Variants in GRAMD1A observed in about 807,000 individuals in gnomAD.
The protein encoded by GRAMD1A is GRAM domain containing 1A, also known as protein Aster-A.
Under a neutral mutation model 92.0 loss-of-function variants are expected in GRAMD1A, and 50 were observed. The ratio of observed to expected loss-of-function variants is 0.54; its 90% CI spans 0.43 to 0.69. The LOEUF is 0.69. Among genes scored for constraint, GRAMD1A ranks in the 30% least tolerant of loss-of-function variants. GRAMD1A has a pLI of 0.00. For synonymous variants in GRAMD1A, 405 were observed against 403.6 expected, an observed-to-expected ratio of 1.00 and a Z score of -0.04; for missense variants, 819 against 978.9, an observed-to-expected ratio of 0.84 and a Z score of 2.18.
At chr19:35,014,413 C>T (rs367652104) in intron 10 of GRAMD1A, 26 bp downstream of exon 10, 106 of 1,592,598 alleles carry the variant, frequency 6.7e-5, no homozygotes, top group African/African-American at 5.1e-4. Context: ...CCAATTCATT[C>T]GCCTCCGGTA....
chr19:35,006,907 A>G (rs1036756783), intron 1 of GRAMD1A, among the ~76,000 whole-genome samples: 38 of 152,210 alleles, frequency 2.5e-4, no homozygotes, highest in African/African-American at 7.2e-4. Flanking sequence ...TGAAGGGGAC[A>G]GAGCTGGTGA....
chr19:35,021,675 C>A lies in GRAMD1A; in HGVS notation c.1580-16C>A. 1 of 1,614,060 alleles carries A rather than the reference C, an allele frequency of 6.2e-7. No individual in the cohort carries two copies. Among genetic ancestry groups the A allele is most frequent in the Non-Finnish European group, 8.5e-7 (1 of 1,179,948 alleles). ...GGCCAGGTATGGACATCCAGAGCCC[C>A]CTCTCTTTTACGCAGAGCGAGAGCT... On this transcript the variant is annotated splice_polypyrimidine_tract_variant and intron_variant, in intron 14 of 19. Coordinates refer to ENST00000317991, the MANE Select transcript of GRAMD1A (RefSeq NM_020895.5). This position sits in a 1 kb window ranked among gnomAD's most constrained non-coding sequence, Gnocchi z 5.3.
At chr19:35,006,975 G>C (rs771130800) in intron 1 of GRAMD1A, among the ~76,000 whole-genome samples, 1 of 152,316 alleles carries the variant, frequency 6.6e-6, no homozygotes, top group East Asian at 1.9e-4. Context: ...AGGCCTTGGC[G>C]TGGGAATGAG....
At chr19:35,014,496 G>A (rs1460333185) in intron 10 of GRAMD1A, 109 bp downstream of exon 10, 24 of 940,652 alleles carry the variant, frequency 2.6e-5, no homozygotes, top group Non-Finnish European at 2.3e-5. Flanking sequence ...AGGGGCAGGC[G>A]GGATGGCGTT....
At chr19:35,003,399 T>TCGC (rs1430692146) in intron 1 of GRAMD1A, among the ~76,000 whole-genome samples, 1 of 152,098 alleles carries the variant, frequency 6.6e-6, no homozygotes, top group Non-Finnish European at 1.5e-5. Flanking sequence ...CCGAGTCTCC[T>TCGC]CGCCCCTATA....
rs750397163 is a variant in GRAMD1A at position 35,019,447 on chromosome 19, G to A, written c.1389G>A (p.Leu463=). ...GGTGTGTGGTGGACTCCGAGGTGCTGACGCAGGGCATCCCCTACCAGGACT... is the reference window on the plus strand; with the variant it reads ...GGTGTGTGGTGGACTCCGAGGTGCTAACGCAGGGCATCCCCTACCAGGACT... The part of the protein sequence containing the change: ...AGGCVVDSEV[L]TQGIPYQDYF... The change falls in exon 13 of 20, where the codon CTG becomes CTA. Residue 463 remains leucine (L), a synonymous_variant. Transcript: ENST00000317991. 11 of 1,613,912 alleles carry A rather than the reference G, an allele frequency of 6.8e-6. No homozygotes were observed. Among genetic ancestry groups the A allele is most frequent in the Non-Finnish European group, 9.3e-6 (11 of 1,179,900 alleles).
chr19:34,995,967 C>T (rs375129810), upstream of GRAMD1A: 27 of 1,424,350 alleles, frequency 1.9e-5, 2 homozygotes, highest in East Asian at 3.0e-4. Flanking sequence ...GGAGCTCTAT[C>T]CCTCATCTCT....
At chr19:35,001,600 C>A (rs961009095) in intron 1 of GRAMD1A, among the ~76,000 whole-genome samples, 2 of 151,784 alleles carry the variant, frequency 1.3e-5, no homozygotes, top group Non-Finnish European at 2.9e-5. Context: ...AGCTCTGAAA[C>A]GCTCTTCTTT....
At chr19:34,998,406 C>A (rs2014133242), upstream of GRAMD1A, 1 of 144,880 alleles carries the variant, frequency 6.9e-6, no homozygotes, top group Non-Finnish European at 1.5e-5. Flanking sequence ...CGGGTTCAAG[C>A]AATTCTCCTG....
intron 10 of GRAMD1A, chr19:35,014,888 T>G: frequency 6.0e-6 from 1 of 165,368 alleles, no homozygotes; most frequent in Non-Finnish European, 1.3e-5. Context: ...AAGAAAAAAC[T>G]AGGTGTGGTG....
At position 35,000,517 on chromosome 19, in the gene GRAMD1A, C is replaced by A. The variant is rs1265600283; in HGVS notation, c.8+31C>A. 8.0e-7 allele frequency: 1 copy of A among 1,243,528 alleles called. No homozygotes were observed. 77.0% of individuals were successfully genotyped at this position (1,243,528 alleles called of 1,614,324 possible). ...GACCGGGCGACTAGAGCTCAGGGACCGGGCGCGCGGGGGAGGCCACCGGAG... is the reference window on the plus strand; with the variant it reads ...GACCGGGCGACTAGAGCTCAGGGACAGGGCGCGCGGGGGAGGCCACCGGAG... On this transcript the variant is annotated intron_variant, in intron 1 of 19. Transcript: ENST00000317991. This position sits in a 1 kb window ranked among gnomAD's most constrained non-coding sequence, Gnocchi z 4.9.
Position 35,021,904 on chromosome 19 carries a change from C to T in GRAMD1A, c.1753+40C>T, listed in dbSNP as rs764062173. ...GGCCGGGTTGGGGTAGGCGGAGGAT[C>T]GGGGGTCCTGGACTGGGCCATCTGA... On this transcript the variant is annotated intron_variant, in intron 15 of 19. Coordinates refer to ENST00000317991, the MANE Select transcript of GRAMD1A (RefSeq NM_020895.5). The surrounding 1 kb of genome is among the most constrained non-coding windows in gnomAD (Gnocchi z 5.3). 16 of 1,608,894 alleles carry T rather than the reference C, an allele frequency of 9.9e-6. No homozygotes were observed. The highest frequency in any genetic ancestry group is 3.3e-4 in the Middle Eastern group (2 of 6,058).
intron 11 of GRAMD1A, among the ~76,000 whole-genome samples, chr19:35,017,908 C>T (rs1454667496): frequency 1.3e-5 from 2 of 152,186 alleles, no homozygotes; most frequent in Non-Finnish European, 2.9e-5. Flanking sequence ...TTCATCTATC[C>T]TGGTCTCCCA....
chr19:35,008,367 AGCT>A (rs71717731), intron 1 of GRAMD1A, among the ~76,000 whole-genome samples: 18,196 of 151,554 alleles, frequency 0.12, 1,200 homozygotes, highest in African/African-American at 0.17. Context: ...TGTCTTTGAG[AGCT>A]CGCTATGTGC....
intron 11 of GRAMD1A, 88 bp downstream of exon 11, chr19:35,016,055 C>A: frequency 7.1e-7 from 1 of 1,408,244 alleles, no homozygotes; most frequent in Non-Finnish European, 9.7e-7. Flanking sequence ...GAAGGCACTG[C>A]TAGCCAGTGG....
chr19:34,999,667 G>A (rs566273064), upstream of GRAMD1A, among the ~76,000 whole-genome samples: 10 of 152,300 alleles, frequency 6.6e-5, 1 homozygote, highest in South Asian at 2.1e-3. Context: ...CGCTGTCCCC[G>A]GGAAAAGCCC....
intron 1 of GRAMD1A, among the ~76,000 whole-genome samples, chr19:35,003,677 T>C (rs2014587771): frequency 6.6e-6 from 1 of 152,212 alleles, no homozygotes; most frequent in African/African-American, 2.4e-5. Flanking sequence ...GTGGTCCTGC[T>C]GCTTAGGAGT....
At chr19:35,005,837 G>T in intron 1 of GRAMD1A, 1 of 456,106 alleles carries the variant, frequency 2.2e-6, no homozygotes, top group African/African-American at 2.0e-5. Flanking sequence ...GTGGGGTCAC[G>T]CATGAGCCAA....
chr19:34,995,302 C>T (rs1487768168), intron 1 of GRAMD1A, among the ~76,000 whole-genome samples: 1 of 152,212 alleles, frequency 6.6e-6, no homozygotes, highest in African/African-American at 2.4e-5. Context: ...AAAAAAATAG[C>T]CCAGGCCTCC....
Sources: allele counts gnomAD v4.1 joint callset (sites outside exome capture counted in the v4.1 genomes callset), GRCh38; gene constraint gnomAD v4.1.1; non-coding constraint Gnocchi (gnomAD v3.1); transcripts MANE v1.5; gene names NCBI Gene and HGNC (gene_info 2026-07-23, HGNC 2026-07-21).